Variants in LMF1 observed in about 807,000 individuals in gnomAD.
The protein encoded by LMF1 is lipase maturation factor 1.
Under a neutral mutation model 60.6 loss-of-function variants are expected in LMF1, and 68 were observed. The observed-to-expected ratio is 1.12, with a 90% CI of 0.92 to 1.37. LMF1 has a LOEUF of 1.37. Ranked by LOEUF, LMF1 falls within the 40% of genes most tolerant of loss-of-function variation. The pLI is 0.00. For missense variants in LMF1, 948 were observed against 767.2 expected (o/e 1.24, Z -2.78); for synonymous variants, 418 against 324.7 (o/e 1.29, Z -3.09).
In LMF1 at chr16:880,071, G is replaced by A. The variant is rs77652500; in HGVS notation, c.730-334C>T. On this transcript the variant is annotated intron_variant, in intron 5 of 10. Coordinates refer to ENST00000262301, the MANE Select transcript of LMF1 (RefSeq NM_022773.4). ...ACAGGCAGTCGGAGAACAGGCAGTC[G>A]GAGAACGCGCCGCCTGCTGCCCACA... Among the ~76,000 whole-genome samples the A allele has an allele frequency of 7.5e-3, 1,137 of 152,310 alleles. 17 individuals are homozygous for A. The highest frequency in any genetic ancestry group is 0.026 in the African/African-American group (1,084 of 41,568).
rs1011026017 is a variant in LMF1, at chr16:911,905, G to A, written c.515-826C>T. Among the ~76,000 whole-genome samples, 5 of 152,152 alleles carry A rather than the reference G, an allele frequency of 3.3e-5. No individual in the cohort carries two copies. The South Asian group carries it at 8.3e-4, about 25-fold the overall frequency. ...CCGCCACTGGATGCGGGGGACACGT[G>A]GGGGCCCAACGGATTCTTCGCACTG... On this transcript the variant is annotated intron_variant, in intron 3 of 10. Transcript: ENST00000262301.
chr16:930,607 G>T (rs1264968117), intron 3 of LMF1, among the ~76,000 whole-genome samples: 1 of 152,224 alleles, frequency 6.6e-6, no homozygotes, highest in Non-Finnish European at 1.5e-5. Context: ...CTGAGAAAAA[G>T]GAAGACACTA....
At position 862,866 on chromosome 16, in the gene LMF1, T is replaced by A. The variant is rs548969898; in HGVS notation, c.1529+6078A>T. 1.6e-3 allele frequency among the ~76,000 whole-genome samples: 249 copies of A among 151,958 alleles called. 1 individual carries two copies. The highest frequency in any genetic ancestry group is 3.6e-3 in the African/African-American group (148 of 41,430). On this transcript the variant is annotated intron_variant, in intron 10 of 10. Coordinates refer to ENST00000262301, the MANE Select transcript of LMF1 (RefSeq NM_022773.4). The stretch of plus-strand genomic sequence containing the variant: ...GAGAGTGAGAACCTGTCTCAAAAAA[T>A]AAATAAATAAATAAATAAAACGTAA...
At chr16:960,409 TCA>T in intron 1 of LMF1, among the ~76,000 whole-genome samples, 5 of 81,122 alleles carry the variant, frequency 6.2e-5, no homozygotes, top group African/African-American at 3.1e-4. Context: ...AGACACAGAC[TCA>T]CGGTGACAGC....
intron 10 of LMF1, chr16:856,035 G>A (rs1056016326): frequency 2.2e-6 from 1 of 449,326 alleles, no homozygotes; most frequent in Non-Finnish European, 4.5e-6. Context: ...CCCTCTGGGT[G>A]GAGGAGGGTC....
At chr16:915,851 G>A (rs781256623) in intron 3 of LMF1, among the ~76,000 whole-genome samples, 5 of 152,072 alleles carry the variant, frequency 3.3e-5, no homozygotes, top group African/African-American at 4.8e-5. Flanking sequence ...TGCAGGGGCC[G>A]GAGCACGTGG....
intron 3 of LMF1, among the ~76,000 whole-genome samples, chr16:916,694 T>C (rs994227871): frequency 1.3e-5 from 2 of 152,208 alleles, no homozygotes; most frequent in African/African-American, 4.8e-5. Context: ...CACTTCTCCA[T>C]GTCTCTGGCC....
chr16:919,847 C>T (rs2071385421), intron 3 of LMF1, among the ~76,000 whole-genome samples: 2 of 152,146 alleles, frequency 1.3e-5, no homozygotes, highest in South Asian at 2.1e-4. Flanking sequence ...AGCCAGCATC[C>T]ACAATGGGCT....
At chr16:931,554 G>C in intron 3 of LMF1, 2 of 1,137,174 alleles carry the variant, frequency 1.8e-6, no homozygotes, top group Non-Finnish European at 2.3e-6. Context: ...CACAGGAAAG[G>C]AGCCTCCCCA....
chr16:968,429 A>C (rs1247385247), intron 1 of LMF1: 1 of 152,256 alleles, frequency 6.6e-6, no homozygotes, highest in Non-Finnish European at 1.5e-5. Flanking sequence ...AACATTGTAA[A>C]ATTCAGTATC....
At chr16:858,464 C>T (rs372390734) in intron 10 of LMF1, among the ~76,000 whole-genome samples, 2 of 21,212 alleles carry the variant, frequency 9.4e-5, no homozygotes, top group East Asian at 1.2e-3. Context: ...TGACTCGGGA[C>T]GGGTGTGCAG....
intron 5 of LMF1, among the ~76,000 whole-genome samples, chr16:882,309 A>C (rs948125380): frequency 6.6e-6 from 1 of 152,342 alleles, no homozygotes; most frequent in African/African-American, 2.4e-5. Context: ...CCTCCCCTGG[A>C]ATCCCAGCCG....
In LMF1 at chr16:954,634, T is replaced by A. The variant is rs775636405; in HGVS notation, c.226A>T (p.Lys76Ter). Residue 76 changes from lysine (K) to a stop codon, truncating the protein, a stop_gained, in exon 2 of 11, where the codon AAG (lysine) becomes TAG (stop). Transcript: ENST00000262301. LOFTEE classifies it high-confidence loss of function. ...AGCCCCCTGTCACCGATGAGCTGCT[T>A]GTTCTGATGGAAAGCCACCAGGAAT... ...VAFLVAFHQN[K>*]QLIGDRGLLP... 6.2e-7 allele frequency: 1 copy of A among 1,604,020 alleles called. No individual in the cohort carries two copies. Among genetic ancestry groups the A allele is most frequent in the Admixed American group, 1.7e-5 (1 of 59,538 alleles).
intron 2 of LMF1, among the ~76,000 whole-genome samples, chr16:951,646 C>T (rs1247419746): frequency 6.6e-6 from 1 of 152,196 alleles, no homozygotes; most frequent in East Asian, 1.9e-4. Context: ...CGTGCAAGTC[C>T]ACGCTGCGAC....
chr16:976,888 T>C (rs937441196), intron 1 of LMF1: 2 of 453,958 alleles, frequency 4.4e-6, no homozygotes, highest in African/African-American at 4.0e-5. Context: ...GGTCAGTAGC[T>C]ACTCCCGCCA....
rs542266017 is a variant in LMF1 at position 934,915 on chromosome 16, T to C, written c.504-661A>G. 9.8e-5 allele frequency among the ~76,000 whole-genome samples: 15 copies of C among 152,328 alleles called. No individual in the cohort carries two copies. The South Asian group carries it at 3.1e-3, about 32-fold the overall frequency. On this transcript the variant is annotated intron_variant, in intron 2 of 10. Transcript: ENST00000262301. The stretch of plus-strand genomic sequence containing the variant: ...CTTGGGCTCTAGAAGAAACCCCCTC[T>C]GCCACCTATGGTCCCGCAAGAGGCG...
chr16:953,145 A>C (rs2072535705), intron 2 of LMF1, among the ~76,000 whole-genome samples: 1 of 119,684 alleles, frequency 8.4e-6, no homozygotes, highest in Non-Finnish European at 1.8e-5. Context: ...ACAGACACCC[A>C]CCCCAAACCA....
At chr16:980,747 G>A (rs905647412) in intron 1 of LMF1, 1 of 152,060 alleles carries the variant, frequency 6.6e-6, no homozygotes, top group East Asian at 1.9e-4. Flanking sequence ...GTTCGCCTCG[G>A]GGGGGGCAAT....
chr16:872,460 C>T (rs1188752733), intron 6 of LMF1: 2 of 152,260 alleles, frequency 1.3e-5, no homozygotes, highest in African/African-American at 4.8e-5. Flanking sequence ...GTTCTGAGCC[C>T]CAAAACAGTT....
Sources: gnomAD v4.1 joint callset for allele counts (sites outside exome capture counted in the v4.1 genomes callset) on GRCh38, gnomAD v4.1.1 for gene constraint, MANE v1.5 for transcripts, NCBI Gene and HGNC (gene_info 2026-07-23, HGNC 2026-07-21) for gene names.